The following CNTNAP2 variants were observed in gnomAD, a reference collection of about 807,000 sequenced individuals.
CNTNAP2 encodes contactin associated protein 2, also known as contactin-associated protein-like 2.
A neutral mutation model predicts 155.2 loss-of-function variants in CNTNAP2; 98 were observed. The observed-to-expected ratio is 0.63, with a 90% CI of 0.54 to 0.75. The LOEUF (loss-of-function observed/expected upper bound fraction) is 0.75, where lower values mean the gene tolerates loss of function less well. Ranked by LOEUF, CNTNAP2 falls within the 30% of genes least tolerant of loss-of-function variation. CNTNAP2 has a pLI of 0.00. For missense variants in CNTNAP2, 1,727 were observed against 1,688.1 expected (o/e 1.02, Z -0.40); for synonymous variants, 651 against 631.2 (o/e 1.03, Z -0.47).
intron 1 of CNTNAP2, among the ~76,000 whole-genome samples, chr7:146,229,633 G>C (rs1584813944): frequency 6.6e-6 from 1 of 152,012 alleles, no homozygotes; most frequent in South Asian, 2.1e-4. Flanking sequence ...GGAAACTTCA[G>C]TTGCCAAATG....
chr7:147,771,185 T>C (rs556172779), intron 13 of CNTNAP2, among the ~76,000 whole-genome samples: 1 of 152,306 alleles, frequency 6.6e-6, no homozygotes, highest in South Asian at 2.1e-4. Flanking sequence ...CATCACACCA[T>C]ATACAAAAAG....
chr7:146,664,979 T>G (rs1389277241), intron 1 of CNTNAP2, among the ~76,000 whole-genome samples: 4 of 152,088 alleles, frequency 2.6e-5, no homozygotes, highest in Admixed American at 6.5e-5. Flanking sequence ...TGAGATGGAG[T>G]CTTGCTCTCG....
intron 11 of CNTNAP2, among the ~76,000 whole-genome samples, chr7:147,498,531 A>T (rs1438125408): frequency 6.6e-6 from 1 of 152,248 alleles, no homozygotes; most frequent in African/African-American, 2.4e-5. Context: ...AAGTAAAAAT[A>T]ATACTACAGA....
intron 11 of CNTNAP2, among the ~76,000 whole-genome samples, chr7:147,491,327 C>A (rs1798606073): frequency 6.6e-6 from 1 of 152,082 alleles, no homozygotes; most frequent in South Asian, 2.1e-4. Flanking sequence ...CGACCCCCCA[C>A]CACAGGACAT....
rs774029348 is a variant in CNTNAP2 at position 148,415,538 on chromosome 7, C to T, written c.3918C>T (p.Ser1306=). The change falls in exon 24 of 24, where the codon AGC becomes AGT. Residue 1306 remains serine (S), a synonymous_variant. Coordinates refer to ENST00000361727, the MANE Select transcript of CNTNAP2 (RefSeq NM_014141.6). The part of the protein sequence containing the change: ...NEAKGAESAE[S]ADAAIMNNDP... The stretch of plus-strand genomic sequence containing the variant: ...CAAAGGGGGCGGAGTCGGCAGAGAG[C>T]GCGGACGCCGCCATCATGAACAACG... The T allele has an allele frequency of 1.7e-5, 27 of 1,614,188 alleles. No individual in the cohort carries two copies. The East Asian group carries it at 2.5e-4, about 15-fold the overall frequency.
At chr7:147,763,256 G>A (rs1797334404) in intron 13 of CNTNAP2, among the ~76,000 whole-genome samples, 2 of 109,480 alleles carry the variant, frequency 1.8e-5, no homozygotes, top group African/African-American at 9.5e-5. Context: ...CAGAAACTCA[G>A]TCAAAAAAAA....
chr7:147,385,837 T>G (rs974138355), intron 9 of CNTNAP2, among the ~76,000 whole-genome samples: 2 of 152,240 alleles, frequency 1.3e-5, no homozygotes, highest in Non-Finnish European at 2.9e-5. Context: ...AGAGACTCTG[T>G]GTGGGGCCTC....
At chr7:147,802,794 GGGGAGA>G (rs962315365) in intron 13 of CNTNAP2, among the ~76,000 whole-genome samples, 4,120 of 104,922 alleles carry the variant, frequency 0.039, 169 homozygotes, top group Admixed American at 0.1. Context: ...GGAGGGGGAG[GGGGAGA>G]GGGAGAGGGA....
intron 10 of CNTNAP2, among the ~76,000 whole-genome samples, chr7:147,413,486 A>C (rs529564388): frequency 3.9e-5 from 6 of 152,274 alleles, no homozygotes; most frequent in Non-Finnish European, 7.4e-5. Flanking sequence ...CAAGAGGAGT[A>C]CTCTCAATAA....
chr7:146,239,148 C>T (rs999774514), intron 1 of CNTNAP2, among the ~76,000 whole-genome samples: 6 of 152,154 alleles, frequency 3.9e-5, no homozygotes, highest in African/African-American at 1.4e-4. Flanking sequence ...AATGATTACT[C>T]TTAAATTAGT....
chr7:147,428,517 A>G (rs748447978), intron 10 of CNTNAP2, among the ~76,000 whole-genome samples: 2 of 152,154 alleles, frequency 1.3e-5, no homozygotes, highest in African/African-American at 2.4e-5. Context: ...TCTACCCTAG[A>G]ATGGAGGATT....
At chr7:148,345,847 AT>A (rs201072236) in intron 21 of CNTNAP2, among the ~76,000 whole-genome samples, 1 of 151,214 alleles carries the variant, frequency 6.6e-6, no homozygotes, top group Non-Finnish European at 1.5e-5. Flanking sequence ...GTTCTGACTG[AT>A]TTTTTTTTCT....
intron 3 of CNTNAP2, among the ~76,000 whole-genome samples, chr7:146,933,185 G>A (rs61180363): frequency 1.3e-5 from 2 of 150,578 alleles, no homozygotes; most frequent in African/African-American, 2.5e-5. Context: ...TGACTTCAAA[G>A]TATACTATAA....
Position 147,522,768 on chromosome 7 carries a change from C to CAA in CNTNAP2, c.1777+36736_1777+36737dup, listed in dbSNP as rs143914653. Among the ~76,000 whole-genome samples the CAA allele has an allele frequency of 1.9e-3, 173 of 93,232 alleles. 1 individual carries two copies. The highest frequency in any genetic ancestry group is 5.5e-3 in the African/African-American group (136 of 24,572). The allele number at this position is 93,232 out of a possible 152,430, so 61.2% of individuals were successfully genotyped here. The stretch of plus-strand genomic sequence containing the variant: ...CAAACTTCAAAATTTTCTGGCCCAG[C>CAA]AAAAAAAAAACAAAAAAACAAAAAA... On this transcript the variant is annotated intron_variant, in intron 11 of 23. Coordinates refer to ENST00000361727, the MANE Select transcript of CNTNAP2 (RefSeq NM_014141.6).
intron 1 of CNTNAP2, among the ~76,000 whole-genome samples, chr7:146,627,375 T>C (rs1028407376): frequency 6.6e-6 from 1 of 152,154 alleles, no homozygotes; most frequent in Non-Finnish European, 1.5e-5. Context: ...TGAAAATACG[T>C]ATTACTTCAT....
intron 1 of CNTNAP2, among the ~76,000 whole-genome samples, chr7:146,582,957 T>C (rs1258676526): frequency 2.0e-5 from 3 of 149,208 alleles, no homozygotes; most frequent in Non-Finnish European, 3.0e-5. Context: ...TAATATTTAA[T>C]ATATAATACT....
At chr7:147,585,382 A>G (rs889972117) in intron 12 of CNTNAP2, among the ~76,000 whole-genome samples, 1 of 150,378 alleles carries the variant, frequency 6.6e-6, no homozygotes, top group Admixed American at 6.7e-5. Flanking sequence ...TGAGTTATAT[A>G]TATACAAATT....
At chr7:147,189,375 G>A (rs1455317038) in intron 8 of CNTNAP2, among the ~76,000 whole-genome samples, 2 of 152,110 alleles carry the variant, frequency 1.3e-5, no homozygotes, top group African/African-American at 4.8e-5. Context: ...TATGGAAATA[G>A]TGTGGAAAAT....
chr7:146,949,046 AGAAGACACT>A (rs1293600110), intron 3 of CNTNAP2, among the ~76,000 whole-genome samples: 1 of 152,180 alleles, frequency 6.6e-6, no homozygotes, highest in Non-Finnish European at 1.5e-5. Flanking sequence ...ACCTGCTATG[AGAAGACACT>A]GCAAGAGCTC....
Sources: allele counts gnomAD v4.1 joint callset (sites outside exome capture counted in the v4.1 genomes callset), GRCh38; gene constraint gnomAD v4.1.1; transcripts MANE v1.5; gene names NCBI Gene and HGNC (gene_info 2026-07-23, HGNC 2026-07-21).